Variants in WTAP observed in about 807,000 individuals in gnomAD.
WTAP encodes the protein pre-mRNA-splicing regulator WTAP.
Under a neutral mutation model 50.0 loss-of-function variants are expected in WTAP, and 8 were observed. The ratio of observed to expected loss-of-function variants is 0.16; its 90% CI spans 0.09 to 0.29. WTAP has a LOEUF of 0.29. WTAP is among the 10% of genes least tolerant of loss of function. The pLI is 1.00. For synonymous variants in WTAP, 194 were observed against 169.0 expected (o/e 1.15, Z -1.15); for missense variants, 295 against 470.7 (o/e 0.63, Z 3.45).
chr6:159,747,247 G>A (rs987719444), intron 5 of WTAP, among the ~76,000 whole-genome samples: 90 of 152,216 alleles, frequency 5.9e-4, no homozygotes, highest in African/African-American at 1.8e-3. Context: ...TAGTGTGCTA[G>A]TAAATAGCAC....
intron 5 of WTAP, among the ~76,000 whole-genome samples, chr6:159,744,230 ATTG>A (rs1048162554): frequency 2.0e-5 from 3 of 151,444 alleles, no homozygotes; most frequent in African/African-American, 7.3e-5. Flanking sequence ...CTCCTTTTTA[ATTG>A]TTAGAACTTT....
intron 6 of WTAP, among the ~76,000 whole-genome samples, chr6:159,750,416 T>C (rs1378548957): frequency 6.6e-6 from 1 of 152,234 alleles, no homozygotes; most frequent in Non-Finnish European, 1.5e-5. Context: ...TGTATAAAAT[T>C]GAAATACTGT....
intron 4 of WTAP, among the ~76,000 whole-genome samples, 164 bp downstream of exon 4, chr6:159,742,310 G>A (rs1779305672): frequency 6.6e-6 from 1 of 152,192 alleles, no homozygotes; most frequent in Non-Finnish European, 1.5e-5. Context: ...AAAGATGAAT[G>A]AGACACAGTC....
Sources: allele counts gnomAD v4.1 joint callset (sites outside exome capture counted in the v4.1 genomes callset), GRCh38; gene constraint gnomAD v4.1.1; transcripts MANE v1.5; gene names NCBI Gene and HGNC (gene_info 2026-07-23, HGNC 2026-07-21).